Variants in PTPN4 observed in about 807,000 individuals in gnomAD.
PTPN4 encodes tyrosine-protein phosphatase non-receptor type 4.
In PTPN4, 49 loss-of-function variants were observed where a neutral mutation model predicts 135.5. That is an observed-to-expected ratio of 0.36 (90% CI 0.29 to 0.46). The LOEUF (loss-of-function observed/expected upper bound fraction) is 0.46. Among genes scored for constraint, PTPN4 ranks in the 20% least tolerant of loss-of-function variants. The probability of loss-of-function intolerance (pLI) is 1.00; values close to 1 mark genes in which losing one functional copy is unlikely to be tolerated. For synonymous variants in PTPN4, 333 were observed against 369.9 expected (o/e 0.90, Z 1.14); for missense variants, 860 against 1,101.0 (o/e 0.78, Z 3.10).
At chr2:119,798,426 C>T (rs1691303055) in intron 1 of PTPN4, among the ~76,000 whole-genome samples, 1 of 152,218 alleles carries the variant, frequency 6.6e-6, no homozygotes, top group African/African-American at 2.4e-5. Context: ...CTTGGCCTCC[C>T]AAAGTGTTGG....
intron 1 of PTPN4, among the ~76,000 whole-genome samples, chr2:119,773,956 A>G (rs1336238989): frequency 6.6e-6 from 1 of 152,242 alleles, no homozygotes; most frequent in African/African-American, 2.4e-5. Flanking sequence ...CAACTGCACA[A>G]AATTAACCAT....
At chr2:119,881,693 A>G (rs923739551) in intron 5 of PTPN4, 93 bp from the exon 6 acceptor site, 1 of 807,994 alleles carries the variant, frequency 1.2e-6, no homozygotes, top group South Asian at 2.2e-5. Flanking sequence ...ATATTTAAAT[A>G]TGTTTATTTG....
chr2:119,945,484 T>C (rs1312107637), intron 16 of PTPN4, among the ~76,000 whole-genome samples: 3 of 152,080 alleles, frequency 2.0e-5, no homozygotes, highest in African/African-American at 7.2e-5. Flanking sequence ...AAGATTCCTA[T>C]AAGAGATCAT....
intron 16 of PTPN4, among the ~76,000 whole-genome samples, chr2:119,946,124 A>G (rs571604205): frequency 1.2e-4 from 19 of 152,274 alleles, no homozygotes; most frequent in African/African-American, 4.6e-4. Context: ...ATAGTCTAGC[A>G]TATGCTCGTA....
chr2:119,903,953 C>T (rs890356705), intron 10 of PTPN4, among the ~76,000 whole-genome samples: 1 of 152,176 alleles, frequency 6.6e-6, no homozygotes, highest in African/African-American at 2.4e-5. Context: ...CTGCACCCAT[C>T]CAGAATCAAA....
chr2:119,871,187 T>C (rs890691037), intron 3 of PTPN4, among the ~76,000 whole-genome samples: 8 of 148,896 alleles, frequency 5.4e-5, no homozygotes, highest in African/African-American at 2.0e-4. Flanking sequence ...TTAGCAAAAA[T>C]ACAGATTCAC....
chr2:119,823,810 G>C (rs1677106299), intron 2 of PTPN4, among the ~76,000 whole-genome samples: 1 of 152,202 alleles, frequency 6.6e-6, no homozygotes, highest in South Asian at 2.1e-4. Context: ...TCTGTTGAAA[G>C]AGATGTTGCA....
chr2:119,952,980 A>G (rs72952817), intron 19 of PTPN4, among the ~76,000 whole-genome samples: 3,884 of 152,260 alleles, frequency 0.026, 170 homozygotes, highest in African/African-American at 0.088. Flanking sequence ...GCTATGCATT[A>G]TAAGTTTAAC....
Position 119,966,460 on chromosome 2 carries a change from G to A in PTPN4, c.2558+815G>A, listed in dbSNP as rs578073864. Among the ~76,000 whole-genome samples the A allele has an allele frequency of 6.9e-4, 105 of 152,176 alleles. 1 individual carries two copies. Among genetic ancestry groups the A allele is most frequent in the African/African-American group, 2.4e-3 (98 of 41,516 alleles). ...TTTTGTAAAGATGGGTTTTTGCCACGTTGCCCAGGCTGGTCTCGAACTCCT... is the reference window on the plus strand; with the variant it reads ...TTTTGTAAAGATGGGTTTTTGCCACATTGCCCAGGCTGGTCTCGAACTCCT... On this transcript the variant is annotated intron_variant, in intron 25 of 26. Coordinates refer to ENST00000263708, the MANE Select transcript of PTPN4 (RefSeq NM_002830.4).
At chr2:119,766,449 CGTGT>C (rs745803520) in intron 1 of PTPN4, among the ~76,000 whole-genome samples, 21,944 of 130,806 alleles carry the variant, frequency 0.17, 2,035 homozygotes, top group East Asian at 0.35. Flanking sequence ...CATGTGCGCG[CGTGT>C]GTGTGTGTGT....
intron 11 of PTPN4, chr2:119,915,849 TC>T: frequency 6.6e-6 from 1 of 152,166 alleles, no homozygotes; most frequent in East Asian, 1.9e-4. Context: ...CATGCAGATT[TC>T]AAGATGGTTG....
At chr2:119,942,857 C>T (rs1679080036) in intron 15 of PTPN4, among the ~76,000 whole-genome samples, 1 of 152,138 alleles carries the variant, frequency 6.6e-6, no homozygotes, top group African/African-American at 2.4e-5. Context: ...ATACTTGAAT[C>T]TATGGGCCCT....
intron 1 of PTPN4, among the ~76,000 whole-genome samples, chr2:119,784,732 T>C (rs2104930991): frequency 7.1e-6 from 1 of 141,124 alleles, no homozygotes; most frequent in Non-Finnish European, 1.5e-5. Flanking sequence ...GAGATGGGGT[T>C]TTGCTGTATT....
At chr2:119,849,654 C>G (rs1473683149) in intron 2 of PTPN4, among the ~76,000 whole-genome samples, 1 of 152,176 alleles carries the variant, frequency 6.6e-6, no homozygotes, top group Non-Finnish European at 1.5e-5. Flanking sequence ...ATATTGACCC[C>G]TCCCTTCCAA....
chr2:119,825,492 A>G (rs1355445294), intron 2 of PTPN4, among the ~76,000 whole-genome samples: 1 of 139,684 alleles, frequency 7.2e-6, no homozygotes, highest in Non-Finnish European at 1.5e-5. Flanking sequence ...CTAGAACCCA[A>G]GCCTTTTTTT....
intron 1 of PTPN4, among the ~76,000 whole-genome samples, chr2:119,766,457 T>TAC (rs1558718907): frequency 7.0e-6 from 1 of 142,220 alleles, no homozygotes; most frequent in African/African-American, 2.6e-5. Context: ...CGCGTGTGTG[T>TAC]GTGTGTGTGT....
In PTPN4 at chr2:119,784,696, A is replaced by ATT. The variant is rs58879330; in HGVS notation, c.-18+24333_-18+24334dup. Among the ~76,000 whole-genome samples, 496 of 110,118 alleles carry ATT rather than the reference A, an allele frequency of 4.5e-3. 7 individuals carry two copies. The highest frequency in any genetic ancestry group is 0.012 in the African/African-American group (321 of 26,442). The allele number at this position is 110,118 out of a possible 152,430, so 72.2% of individuals were successfully genotyped here. A position where few individuals can be genotyped will look rare whatever the true frequency, so the allele number is the denominator to read the frequency against. Reference sequence around the variant, plus strand: ...GCTACTGCGCCCAGCTGCCCAGCTAATTTTTTTTTTTTTTTTTTTTTTGTA... The same window carrying ATT: ...GCTACTGCGCCCAGCTGCCCAGCTAATTTTTTTTTTTTTTTTTTTTTTTTGTA... On this transcript the variant is annotated intron_variant, in intron 1 of 26. Transcript: ENST00000263708.
Position 119,974,229 on chromosome 2 carries a change from G to C in PTPN4, c.2695-2755G>C, listed in dbSNP as rs186444080. ...GTTTTGTTTTGTTTTGTTTTGTTTTGAGATGGAGTTTCGCTCTTGTTGCCC... is the reference window on the plus strand; with the variant it reads ...GTTTTGTTTTGTTTTGTTTTGTTTTCAGATGGAGTTTCGCTCTTGTTGCCC... On this transcript the variant is annotated intron_variant, in intron 26 of 26. Coordinates refer to ENST00000263708, the MANE Select transcript of PTPN4 (RefSeq NM_002830.4). Among the ~76,000 whole-genome samples, 494 of 152,192 alleles carry C rather than the reference G, an allele frequency of 3.2e-3. 2 individuals are homozygous for C. The highest frequency in any genetic ancestry group is 0.011 in the African/African-American group (467 of 41,532).
intron 2 of PTPN4, among the ~76,000 whole-genome samples, chr2:119,857,515 C>G (rs1027835916): frequency 1.3e-5 from 2 of 149,494 alleles, no homozygotes; most frequent in African/African-American, 2.5e-5. Flanking sequence ...GCCTGGGTGA[C>G]AGAGTGAGAC....
Sources: gnomAD v4.1 joint callset for allele counts (sites outside exome capture counted in the v4.1 genomes callset) on GRCh38, gnomAD v4.1.1 for gene constraint, MANE v1.5 for transcripts, NCBI Gene and HGNC (gene_info 2026-07-23, HGNC 2026-07-21) for gene names.